Variants in UBE2J2 observed in about 807,000 individuals in gnomAD.
UBE2J2 encodes the protein ubiquitin conjugating enzyme E2 J2.
A neutral mutation model predicts 28.6 loss-of-function variants in UBE2J2; 5 were observed. The observed-to-expected ratio is 0.17, with a 90% CI of 0.09 to 0.37. The LOEUF is 0.37. Among genes scored for constraint, UBE2J2 ranks in the 10% least tolerant of loss-of-function variants. UBE2J2 has a pLI of 1.00. For synonymous variants in UBE2J2, 138 were observed against 139.7 expected (o/e 0.99, Z 0.09); for missense variants, 226 against 338.9 (o/e 0.67, Z 2.62).
chr1:1,263,020 T>C (rs1639650746), intron 3 of UBE2J2: 1 of 267,502 alleles, frequency 3.7e-6, no homozygotes, highest in Non-Finnish European at 7.3e-6. Context: ...TTTCCTTTGA[T>C]GATATGCACT....
intron 3 of UBE2J2, among the ~76,000 whole-genome samples, chr1:1,257,673 A>T (rs1639286049): frequency 6.6e-6 from 1 of 151,582 alleles, no homozygotes; most frequent in Admixed American, 6.6e-5. Context: ...CGGAAGAGGC[A>T]TGCAGGGCCT....
At chr1:1,264,759 T>C (rs1639750643) in intron 2 of UBE2J2, 1 of 152,168 alleles carries the variant, frequency 6.6e-6, no homozygotes, top group Non-Finnish European at 1.5e-5. Context: ...AATACAAAAA[T>C]TAGCCAGCCA....
chr1:1,259,081 T>C (rs1332622081), intron 3 of UBE2J2, among the ~76,000 whole-genome samples: 1 of 147,766 alleles, frequency 6.8e-6, no homozygotes, highest in East Asian at 2.0e-4. Context: ...GTGCATGCCA[T>C]CAGGACGCAC....
chr1:1,255,398 C>T lies in UBE2J2; in HGVS notation c.585G>A (p.Thr195=), dbSNP rs750816976. The T allele has an allele frequency of 5.5e-5, 89 of 1,613,754 alleles. No homozygotes were observed. In the Middle Eastern group the frequency reaches 6.6e-4, roughly 12 times the overall value. ...GCTGAATCCCGTTCTGGACGAGGTGCGTCTCCCCGTCTGGAACCACGTCTG... is the reference window on the plus strand; with the variant it reads ...GCTGAATCCCGTTCTGGACGAGGTGTGTCTCCCCGTCTGGAACCACGTCTG... ...PLPDVVPDGE[T]HLVQNGIQLL... is the part of the protein sequence containing the mutation. Residue 195 remains threonine, a synonymous_variant, in exon 7 of 7, where the codon ACG becomes ACA. Coordinates refer to ENST00000349431, the MANE Select transcript of UBE2J2 (RefSeq NM_058167.3).
chr1:1,265,028 T>C (rs1024262421), intron 2 of UBE2J2, among the ~76,000 whole-genome samples: 1 of 152,228 alleles, frequency 6.6e-6, no homozygotes, highest in Non-Finnish European at 1.5e-5. Context: ...AGGAACCCAG[T>C]GGCTCTGAGC....
At chr1:1,256,888 GA>G (rs57305655) in intron 5 of UBE2J2, 103 bp downstream of exon 5, 76,131 of 509,616 alleles carry the variant, frequency 0.15, 736 homozygotes, top group East Asian at 0.29. Context: ...TCCGTCTCAA[GA>G]AAAAAAAAAA....
chr1:1,262,285 C>A, intron 3 of UBE2J2: 1 of 455,412 alleles, frequency 2.2e-6, no homozygotes, highest in Non-Finnish European at 4.4e-6. Context: ...CTGCTGGCAT[C>A]CCCAACGCTG....
chr1:1,261,527 G>A (rs557706812), intron 3 of UBE2J2, among the ~76,000 whole-genome samples: 2 of 152,216 alleles, frequency 1.3e-5, no homozygotes, highest in African/African-American at 4.8e-5. Flanking sequence ...GAAGTTGAGG[G>A]AGACTGGGTG....
In UBE2J2 at chr1:1,268,381, C is replaced by A. The variant is rs1040390934; in HGVS notation, c.1-389G>T. On this transcript the variant is annotated intron_variant, in intron 1 of 6. Coordinates refer to ENST00000349431, the MANE Select transcript of UBE2J2 (RefSeq NM_058167.3). The surrounding 1 kb of genome is among the most constrained non-coding windows in gnomAD (Gnocchi z 4.7). Reference sequence around the variant, plus strand: ...CACCTTCCAACTCAGCTCAAGGACCCCGCACTGATGGAGAATCCACACCAT... The same window carrying A: ...CACCTTCCAACTCAGCTCAAGGACCACGCACTGATGGAGAATCCACACCAT... Among the ~76,000 whole-genome samples, 10 of 152,172 alleles carry A rather than the reference C, an allele frequency of 6.6e-5. No individual in the cohort carries two copies. Among genetic ancestry groups the A allele is most frequent in the African/African-American group, 2.2e-4 (9 of 41,436 alleles).
chr1:1,263,049 G>A lies in UBE2J2; in HGVS notation c.172+297C>T, dbSNP rs1284115008. ...ATGCACTGGGTCTTAAGAAATAGTA[G>A]AACAGGCCAGCTTCAGTGTTTACCC... On this transcript the variant is annotated intron_variant, in intron 3 of 6. Transcript: ENST00000349431. The A allele has an allele frequency of 1.7e-5, 6 of 355,950 alleles. No homozygotes were observed. The East Asian group carries it at 1.9e-4, about 11-fold the overall frequency. 22.0% of individuals were successfully genotyped at this position (355,950 alleles called of 1,614,324 possible). A position where few individuals can be genotyped will look rare whatever the true frequency, so the allele number is the denominator to read the frequency against.
chr1:1,257,390 G>GCCC (rs1281055335), intron 3 of UBE2J2, 80 bp from the exon 4 acceptor site: 1 of 177,552 alleles, frequency 5.6e-6, no homozygotes, highest in African/African-American at 1.9e-4. Flanking sequence ...ATCCCCCCAC[G>GCCC]CCACCCCCCC....
chr1:1,259,483 T>C (rs1041345080), intron 3 of UBE2J2, among the ~76,000 whole-genome samples: 1 of 152,222 alleles, frequency 6.6e-6, no homozygotes, highest in African/African-American at 2.4e-5. Flanking sequence ...CGGGCTCTTC[T>C]GCTCTAGACC....
intron 1 of UBE2J2, among the ~76,000 whole-genome samples, chr1:1,271,974 CAAAAAAAAAAAAAAAAAAAAAAA>C (rs60924258): frequency 3.6e-5 from 1 of 27,612 alleles, no homozygotes; most frequent in East Asian, 2.0e-3. Context: ...AACTCCGTCT[CAAAAAAAAAAAAAAAAAAAAAAA>C]AAAAAAATTA....
chr1:1,255,549 T>C, intron 6 of UBE2J2, 62 bp from the exon 7 acceptor site: 1 of 1,545,234 alleles, frequency 6.5e-7, no homozygotes, highest in South Asian at 1.2e-5. Context: ...GGACCAGCAC[T>C]CCCGTTCTCA....
intron 2 of UBE2J2, among the ~76,000 whole-genome samples, chr1:1,267,135 C>T (rs1342783317): frequency 2.6e-5 from 4 of 152,038 alleles, no homozygotes; most frequent in African/African-American, 9.7e-5. Context: ...GTGATCCGCC[C>T]GCCTGAGCCT....
intron 1 of UBE2J2, among the ~76,000 whole-genome samples, chr1:1,269,987 A>T (rs538320674): frequency 1.3e-5 from 2 of 152,260 alleles, no homozygotes; most frequent in Admixed American, 1.3e-4. Context: ...AGGTGACTGG[A>T]TCATGGGAGC....
At chr1:1,258,187 G>A (rs980478269) in intron 3 of UBE2J2, among the ~76,000 whole-genome samples, 4 of 148,546 alleles carry the variant, frequency 2.7e-5, no homozygotes, top group African/African-American at 7.6e-5. Flanking sequence ...CTATAGGCGC[G>A]CGCCACCACA....
Position 1,260,586 on chromosome 1 carries a change from G to A in UBE2J2, c.172+2760C>T, listed in dbSNP as rs114569001. ...CACCAAGAGCCACACACACACAGACGTTCACAGCACCAGATGAAAATCAGG... is the reference window on the plus strand; with the variant it reads ...CACCAAGAGCCACACACACACAGACATTCACAGCACCAGATGAAAATCAGG... On this transcript the variant is annotated intron_variant, in intron 3 of 6. Coordinates refer to ENST00000349431, the MANE Select transcript of UBE2J2 (RefSeq NM_058167.3). Among the ~76,000 whole-genome samples the A allele has an allele frequency of 7.6e-3, 1,150 of 152,310 alleles. 13 individuals carry two copies. The highest frequency in any genetic ancestry group is 0.026 in the African/African-American group (1,083 of 41,566).
chr1:1,267,732 C>A, intron 2 of UBE2J2, 130 bp downstream of exon 2: 1 of 1,529,440 alleles, frequency 6.5e-7, no homozygotes, highest in East Asian at 2.3e-5. Context: ...ACCCCACTCA[C>A]CCCGGGGGAG....
Sources: allele counts gnomAD v4.1 joint callset (sites outside exome capture counted in the v4.1 genomes callset), GRCh38; gene constraint gnomAD v4.1.1; non-coding constraint Gnocchi (gnomAD v3.1); transcripts MANE v1.5; gene names NCBI Gene and HGNC (gene_info 2026-07-23, HGNC 2026-07-21).